The following WNK1 variants were observed in gnomAD, a reference collection of about 807,000 sequenced individuals.
The protein encoded by WNK1 is serine/threonine-protein kinase WNK1.
WNK1 carries 38 observed loss-of-function variants against 222.8 expected under a neutral mutation model. The observed-to-expected ratio is 0.17, with a 90% CI of 0.13 to 0.22. The LOEUF (loss-of-function observed/expected upper bound fraction) is 0.22, where lower values mean the gene tolerates loss of function less well. Ranked by LOEUF, WNK1 falls within the 10% of genes least tolerant of loss-of-function variation. WNK1 has a pLI of 1.00. For missense variants in WNK1, 2,348 were observed against 2,918.4 expected, an observed-to-expected ratio of 0.80 and a Z score of 4.50; for synonymous variants, 1,090 against 1,092.9, an observed-to-expected ratio of 1.00 and a Z score of 0.05.
rs776070849 is a variant in WNK1 at position 883,484 on chromosome 12, T to C, written c.3579T>C (p.Ser1193=). ...TTGAAAAAGCTGATGAAATGCTCAGTGAGGATGTCAGTGTGGAACCAGAGG... is the reference window on the plus strand; with the variant it reads ...TTGAAAAAGCTGATGAAATGCTCAGCGAGGATGTCAGTGTGGAACCAGAGG... ...EIIEKADEML[S]EDVSVEPEGD... is the part of the protein sequence containing the mutation. The change falls in exon 16 of 28, where the codon AGT becomes AGC. Residue 1193 remains serine, a synonymous_variant. Transcript: ENST00000315939. 11 of 1,613,878 alleles carry C rather than the reference T, an allele frequency of 6.8e-6. No homozygotes were observed. The highest frequency in any genetic ancestry group is 9.3e-6 in the Non-Finnish European group (11 of 1,179,940).
At chr12:847,722 TATCTAGC>T (rs921763362) in intron 4 of WNK1, among the ~76,000 whole-genome samples, 1 of 152,028 alleles carries the variant, frequency 6.6e-6, no homozygotes, top group African/African-American at 2.4e-5. Flanking sequence ...TGGTGCAGTG[TATCTAGC>T]AGATTGCCTG....
At chr12:760,775 T>C (rs965609510) in intron 1 of WNK1, among the ~76,000 whole-genome samples, 2 of 146,356 alleles carry the variant, frequency 1.4e-5, no homozygotes, top group African/African-American at 4.9e-5. Flanking sequence ...TTTTTTATTG[T>C]TGTTGTTTTT....
At position 911,174 on chromosome 12, in the gene WNK1, A is replaced by G; in HGVS notation, c.*2382A>G. ...ATGAACTAGTGCTACTGAACTGTTT[A>G]AATTATTTTTGTGTTAATAGTACAC... is the stretch of plus-strand genomic sequence containing the variant. On this transcript the variant is annotated 3_prime_UTR_variant, in exon 28 of 28. Coordinates refer to ENST00000315939, the MANE Select transcript of WNK1 (RefSeq NM_018979.4). The G allele has an allele frequency of 2.5e-6, 1 of 397,398 alleles. No homozygotes were observed. The highest frequency in any genetic ancestry group is 4.4e-6 in the Non-Finnish European group (1 of 225,722). The allele number at this position is 397,398 out of a possible 1,614,324, so 24.6% of individuals were successfully genotyped here. A position where few individuals can be genotyped will look rare whatever the true frequency, so the allele number is the denominator to read the frequency against.
At chr12:829,335 C>T (rs1190390975) in intron 3 of WNK1, among the ~76,000 whole-genome samples, 2 of 152,092 alleles carry the variant, frequency 1.3e-5, no homozygotes, top group African/African-American at 2.4e-5. Context: ...TTTCTTGTGT[C>T]TGTAGTAGGC....
chr12:855,572 C>G (rs1950722147), intron 4 of WNK1, among the ~76,000 whole-genome samples: 1 of 152,140 alleles, frequency 6.6e-6, no homozygotes, highest in Non-Finnish European at 1.5e-5. Flanking sequence ...CTGTCATTGA[C>G]ACTATAGATA....
chr12:885,887 A>G lies in WNK1; in HGVS notation c.5083A>G (p.Thr1695Ala). ...CACTGTCACACCAGGCATCCCAACT[A>G]CTGCTGTTGCACCAAGCAAACTCCT... The part of the protein sequence containing the change: ...ESTVTPGIPT[T>A]AVAPSKLLTS... Residue 1695 changes from threonine (T) to alanine (A), a missense_variant, in exon 19 of 28, where the codon ACT becomes GCT. By Grantham distance (58) the Thr-to-Ala change is moderately conservative. Coordinates refer to ENST00000315939, the MANE Select transcript of WNK1 (RefSeq NM_018979.4). 1 of 1,612,498 alleles carries G rather than the reference A, an allele frequency of 6.2e-7. No individual in the cohort carries two copies. Among genetic ancestry groups the G allele is most frequent in the Non-Finnish European group, 8.5e-7 (1 of 1,178,826 alleles).
intron 1 of WNK1, among the ~76,000 whole-genome samples, chr12:755,591 T>C (rs1939885223): frequency 6.6e-6 from 1 of 152,156 alleles, no homozygotes; most frequent in African/African-American, 2.4e-5. Context: ...TCATTAATTT[T>C]ATAGTATTTT....
Position 827,516 on chromosome 12 carries a change from CTT to C in WNK1, c.1153+259_1153+260del. 3 of 509,062 alleles carry C rather than the reference CTT, an allele frequency of 5.9e-6. No homozygotes were observed. The highest frequency in any genetic ancestry group is 5.1e-5 in the South Asian group (2 of 39,098). The allele number at this position is 509,062 out of a possible 1,614,324, so 31.5% of individuals were successfully genotyped here. ...TGTTGATAAAACCTAATGTAATAGC[CTT>C]TTTTGTTGTTGTTGTTGTTGTTGTT... On this transcript the variant is annotated intron_variant, in intron 3 of 27. Transcript: ENST00000315939. The surrounding 1 kb of genome is among the most constrained non-coding windows in gnomAD (Gnocchi z 4.6).
Position 827,529 on chromosome 12 carries a change from GTT to G in WNK1, c.1153+268_1153+269del, listed in dbSNP as rs1948449258. 5 of 517,912 alleles carry G rather than the reference GTT, an allele frequency of 9.7e-6. No individual in the cohort carries two copies. The highest frequency in any genetic ancestry group is 9.5e-5 in the African/African-American group (5 of 52,458). The allele number at this position is 517,912 out of a possible 1,614,324, so 32.1% of individuals were successfully genotyped here. On this transcript the variant is annotated intron_variant, in intron 3 of 27. Transcript: ENST00000315939. The surrounding 1 kb of genome is among the most constrained non-coding windows in gnomAD (Gnocchi z 4.6). ...TAATGTAATAGCCTTTTTTGTTGTT[GTT>G]GTTGTTGTTGTTGTTGAGATGGAGT...
chr12:820,456 A>G (rs1591844738), intron 2 of WNK1, among the ~76,000 whole-genome samples: 2 of 119,312 alleles, frequency 1.7e-5, no homozygotes, highest in South Asian at 5.3e-4. Context: ...GTGTGTGTTC[A>G]TTCTTTGGGG....
At position 908,932 on chromosome 12, in the gene WNK1, A is replaced by G. The variant is rs1955919226; in HGVS notation, c.*140A>G. The stretch of plus-strand genomic sequence containing the variant: ...TTCTTGCCAGAGGGGAATGTTTTTA[A>G]TACTGCATTGAGCCCTCAGAATGGA... On this transcript the variant is annotated 3_prime_UTR_variant, in exon 28 of 28. Transcript: ENST00000315939. 5 of 960,592 alleles carry G rather than the reference A, an allele frequency of 5.2e-6. No homozygotes were observed. The highest frequency in any genetic ancestry group is 7.9e-6 in the Non-Finnish European group (5 of 633,434). 59.5% of individuals were successfully genotyped at this position (960,592 alleles called of 1,614,324 possible).
chr12:857,137 TG>T lies in WNK1; in HGVS notation c.1312-23del, dbSNP rs767726342. 1.1e-4 allele frequency: 173 copies of T among 1,609,448 alleles called. 2 individuals carry two copies. In the Middle Eastern group the frequency reaches 1.5e-3, roughly 14 times the overall value. ...AGTTCAAAGGCCCTGCTTTTATTAA[TG>T]TATTTCTGTTTATGGTTTTCAGGGG... On this transcript the variant is annotated intron_variant, in intron 4 of 27. Coordinates refer to ENST00000315939, the MANE Select transcript of WNK1 (RefSeq NM_018979.4).
At chr12:874,211 T>C (rs924638484) in intron 9 of WNK1, among the ~76,000 whole-genome samples, 2 of 151,714 alleles carry the variant, frequency 1.3e-5, no homozygotes, top group Non-Finnish European at 2.9e-5. Context: ...ATAAAGTCTG[T>C]TTGAACTGGT....
intron 5 of WNK1, 104 bp from the exon 6 acceptor site, chr12:859,140 AT>A (rs1951005089): frequency 2.0e-6 from 2 of 1,006,472 alleles, no homozygotes; most frequent in South Asian, 1.4e-5. Context: ...ATTTTTTCCC[AT>A]TTTTTTCTTC....
At chr12:841,280 C>T (rs1210396869) in intron 4 of WNK1, among the ~76,000 whole-genome samples, 2 of 152,154 alleles carry the variant, frequency 1.3e-5, no homozygotes, top group Non-Finnish European at 2.9e-5. Flanking sequence ...TCCAACCCAT[C>T]CCCTAGCGAC....
chr12:867,771 T>C (rs369536596), intron 8 of WNK1: 1 of 1,355,116 alleles, frequency 7.4e-7, no homozygotes. Context: ...AGTGTAACCA[T>C]TTCATAGGGT....
intron 15 of WNK1, 22 bp downstream of exon 15, chr12:883,081 T>C: frequency 1.3e-6 from 2 of 1,527,228 alleles, no homozygotes; most frequent in Non-Finnish European, 1.8e-6. Context: ...TTTGGAGTTC[T>C]AGGTTTTTCC....
intron 1 of WNK1, among the ~76,000 whole-genome samples, chr12:764,386 A>C (rs778397912): frequency 6.8e-6 from 1 of 147,140 alleles, no homozygotes; most frequent in Non-Finnish European, 1.5e-5. Flanking sequence ...CTGTAATCCC[A>C]GCACTTTGGG....
chr12:871,178 G>T (rs1046280811), intron 8 of WNK1, 87 bp from the exon 9 acceptor site: 1 of 1,236,936 alleles, frequency 8.1e-7, no homozygotes, highest in African/African-American at 1.5e-5. Context: ...AAACTCTGAG[G>T]AGATTAAATA....
Sources: allele counts gnomAD v4.1 joint callset (sites outside exome capture counted in the v4.1 genomes callset), GRCh38; gene constraint gnomAD v4.1.1; non-coding constraint Gnocchi (gnomAD v3.1); transcripts MANE v1.5; gene names NCBI Gene and HGNC (gene_info 2026-07-23, HGNC 2026-07-21).